C6orf118: variants seen among roughly 807,000 people sequenced by gnomAD.
The protein encoded by C6orf118 is uncharacterized protein C6orf118.
In C6orf118, 50 loss-of-function variants were observed where a neutral mutation model predicts 50.2. That is an observed-to-expected ratio of 1.00 (90% CI 0.79 to 1.26). The LOEUF (loss-of-function observed/expected upper bound fraction) is 1.26, where lower values mean the gene tolerates loss of function less well. Among genes scored for constraint, C6orf118 ranks in the 50% most tolerant of loss-of-function variants. C6orf118 has a pLI of 0.00. For synonymous variants in C6orf118, 239 were observed against 230.9 expected (o/e 1.03, Z -0.32); for missense variants, 641 against 578.7 (o/e 1.11, Z -1.10).
intron 6 of C6orf118, 77 bp downstream of exon 6, chr6:165,293,336 C>T (rs779118761): frequency 1.5e-6 from 2 of 1,314,064 alleles, no homozygotes; most frequent in East Asian, 2.3e-5. Flanking sequence ...GACAGACAGG[C>T]AGCCACACTG....
rs866402781 is a variant in C6orf118 at position 165,296,264 on chromosome 6, T to G, written c.1061+1713A>C. On this transcript the variant is annotated intron_variant, in intron 5 of 8. Coordinates refer to ENST00000230301, the MANE Select transcript of C6orf118 (RefSeq NM_144980.4). ...TTTCGTTTTTTGTTTTTTTTTTTTT[T>G]TTTTTTTTTTTTTGCCTTGGCATTC... 3.4e-3 allele frequency among the ~76,000 whole-genome samples: 500 copies of G among 145,844 alleles called. 7 individuals are homozygous for G. The highest frequency in any genetic ancestry group is 0.01 in the Middle Eastern group (3 of 286).
Position 165,295,549 on chromosome 6 carries a change from C to T in C6orf118, c.1062-2078G>A, listed in dbSNP as rs190060136. Among the ~76,000 whole-genome samples, 226 of 152,176 alleles carry T rather than the reference C, an allele frequency of 1.5e-3. 1 individual carries two copies. Among genetic ancestry groups the T allele is most frequent in the African/African-American group, 5.2e-3 (214 of 41,540 alleles). On this transcript the variant is annotated intron_variant, in intron 5 of 8. Transcript: ENST00000230301. ...ATTGTTTACACCTCTGCATTTTTGCCAGCTGGACTAGTGATTTGGAGTAGT... is the reference window on the plus strand; with the variant it reads ...ATTGTTTACACCTCTGCATTTTTGCTAGCTGGACTAGTGATTTGGAGTAGT...
At chr6:165,298,644 C>A (rs925334551) in intron 4 of C6orf118, among the ~76,000 whole-genome samples, 1 of 152,164 alleles carries the variant, frequency 6.6e-6, no homozygotes, top group African/African-American at 2.4e-5. Context: ...ACGTATGCCA[C>A]TTATGACTCA....
chr6:165,300,182 T>C (rs1780464886), intron 3 of C6orf118, among the ~76,000 whole-genome samples, 182 bp downstream of exon 3: 3 of 152,210 alleles, frequency 2.0e-5, no homozygotes, highest in Admixed American at 2.0e-4. Context: ...TGATTCCACA[T>C]GGCCCCTTAC....
chr6:165,280,259 T>C, intron 8 of C6orf118, 149 bp from the exon 9 acceptor site: 2 of 615,890 alleles, frequency 3.2e-6, no homozygotes, highest in Non-Finnish European at 5.5e-6. Flanking sequence ...TTAAAACAGA[T>C]ATTTTGAGGG....
At chr6:165,281,551 G>T (rs992262912) in intron 8 of C6orf118, 89 bp downstream of exon 8, 15 of 1,431,498 alleles carry the variant, frequency 1.0e-5, no homozygotes, top group African/African-American at 3.0e-5. Flanking sequence ...AAAGAATTAC[G>T]ATCAGTTGGT....
chr6:165,302,293 T>A lies in C6orf118; in HGVS notation c.29A>T (p.Tyr10Phe), dbSNP rs1390914326. The A allele has an allele frequency of 6.2e-7, 1 of 1,610,266 alleles. No individual in the cohort carries two copies. Among genetic ancestry groups the A allele is most frequent in the African/African-American group, 1.4e-5 (1 of 73,604 alleles). Reference protein sequence around the residue: MAEEREPELYLKWKHCETPG... With the variant: MAEEREPELFLKWKHCETPG... ...CGTCTCGCAGTGCTTCCACTTCAGG[T>A]ACACTGGTCAGAAAAGAAAAGGAGG... Residue 10 changes from tyrosine to phenylalanine, a missense_variant, in exon 2 of 9, where the codon TAC (tyrosine) becomes TTC (phenylalanine). Coordinates refer to ENST00000230301, the MANE Select transcript of C6orf118 (RefSeq NM_144980.4).
chr6:165,302,459 G>C (rs1300171893), intron 1 of C6orf118, among the ~76,000 whole-genome samples, 163 bp from the exon 2 acceptor site: 1 of 152,130 alleles, frequency 6.6e-6, no homozygotes, highest in Non-Finnish European at 1.5e-5. Context: ...AGGCACCCGT[G>C]CCCGGCCCAG....
At position 165,301,941 on chromosome 6, in the gene C6orf118, C is replaced by T. The variant is rs202048007; in HGVS notation, c.381G>A (p.Pro127=). 1.3e-5 allele frequency: 21 copies of T among 1,613,798 alleles called. No individual in the cohort carries two copies. Among genetic ancestry groups the T allele is most frequent in the East Asian group, 8.9e-5 (4 of 44,850 alleles). Residue 127 remains proline (P), a synonymous_variant, in exon 2 of 9, where the codon CCG becomes CCA. Transcript: ENST00000230301. The part of the protein sequence containing the change: ...ALVPSEAQDT[P]LFRYLNPQAS... ...CCTGGGGGTTCAGGTACCTGAACAG[C>T]GGGGTGTCCTGGGCCTCACTGGGGA...
chr6:165,294,778 G>C (rs1203408080), intron 5 of C6orf118, among the ~76,000 whole-genome samples: 1 of 152,116 alleles, frequency 6.6e-6, no homozygotes, highest in Non-Finnish European at 1.5e-5. Flanking sequence ...AGCTACTTGG[G>C]AGGCTGAAGT....
At chr6:165,283,029 G>A (rs369090911) in intron 7 of C6orf118, among the ~76,000 whole-genome samples, 19 of 152,184 alleles carry the variant, frequency 1.2e-4, no homozygotes, top group African/African-American at 3.6e-4. Flanking sequence ...AACAAAAACC[G>A]CGAAGAAAAT....
intron 8 of C6orf118, among the ~76,000 whole-genome samples, chr6:165,281,176 T>C (rs529277447): frequency 3.3e-5 from 5 of 152,352 alleles, no homozygotes; most frequent in Non-Finnish European, 5.9e-5. Context: ...AAAAGCCATA[T>C]AATTGGAGAA....
Position 165,302,227 on chromosome 6 carries a change from G to A in C6orf118, c.95C>T (p.Thr32Met), listed in dbSNP as rs759307180. Residue 32 changes from threonine to methionine, a missense_variant, in exon 2 of 9, where the codon ACG becomes ATG. Coordinates refer to ENST00000230301, the MANE Select transcript of C6orf118 (RefSeq NM_144980.4). ...ATTACACAGGGTCTTCACTCCTGGCGTCTCGCAGTGCTTCAGATTACACAG... is the reference window on the plus strand; with the variant it reads ...ATTACACAGGGTCTTCACTCCTGGCATCTCGCAGTGCTTCAGATTACACAG... Reference protein sequence around the residue: ...KTLCNLKHCETPGVKTLCNLK... With the variant: ...KTLCNLKHCEMPGVKTLCNLK... The A allele has an allele frequency of 4.3e-5, 69 of 1,613,838 alleles. No individual in the cohort carries two copies. In the Middle Eastern group the frequency reaches 8.3e-4, roughly 19 times the overall value.
intron 7 of C6orf118, 83 bp downstream of exon 7, chr6:165,289,803 T>C: frequency 1.1e-6 from 1 of 917,640 alleles, no homozygotes; most frequent in East Asian, 2.8e-5. Context: ...TTTACCCTAT[T>C]ACCAAATCAC....
intron 5 of C6orf118, among the ~76,000 whole-genome samples, chr6:165,296,757 T>C (rs780763819): frequency 6.6e-6 from 1 of 152,158 alleles, no homozygotes; most frequent in Non-Finnish European, 1.5e-5. Flanking sequence ...GCTGCCTTCT[T>C]TTCTCTGGGA....
At chr6:165,289,165 TC>T (rs1173923832) in intron 7 of C6orf118, among the ~76,000 whole-genome samples, 1 of 133,248 alleles carries the variant, frequency 7.5e-6, no homozygotes, top group Non-Finnish European at 1.6e-5. Context: ...CACAGCCATG[TC>T]CCCCCTCCAA....
intron 7 of C6orf118, chr6:165,282,009 G>GA (rs1220381258): frequency 1.1e-5 from 2 of 178,920 alleles, no homozygotes; most frequent in Non-Finnish European, 2.3e-5. Context: ...AAGGGGGCTG[G>GA]AAAAATATAA....
chr6:165,289,886 C>T lies in C6orf118; in HGVS notation c.1302G>A (p.Glu434=). ...DITENRIKSI[E]HEAIQLETEN... is the part of the protein sequence containing the mutation. ...ATATTTAAATAAATAAGTTGCGTAC[C>T]TCTATGCTTTTAATCCTATTCTCAG... The change falls in exon 7 of 9, where the codon GAG becomes GAA. Residue 434 remains glutamate, a splice_region_variant and synonymous_variant. Coordinates refer to ENST00000230301, the MANE Select transcript of C6orf118 (RefSeq NM_144980.4). 2.5e-6 allele frequency: 4 copies of T among 1,580,914 alleles called. No homozygotes were observed. Among genetic ancestry groups the T allele is most frequent in the Non-Finnish European group, 3.4e-6 (4 of 1,165,804 alleles).
At chr6:165,299,620 T>A in intron 3 of C6orf118, 118 bp from the exon 4 acceptor site, 1 of 727,750 alleles carries the variant, frequency 1.4e-6, no homozygotes, top group Admixed American at 2.5e-5. Flanking sequence ...TTCAGAAAAA[T>A]ATAAAATGTT....
Sources: allele counts gnomAD v4.1 joint callset (sites outside exome capture counted in the v4.1 genomes callset), GRCh38; gene constraint gnomAD v4.1.1; transcripts MANE v1.5; gene names NCBI Gene and HGNC (gene_info 2026-07-23, HGNC 2026-07-21).